Variants in CCDC93 observed in about 807,000 individuals in gnomAD.
CCDC93 encodes CCC complex scaffolding subunit CCDC93, also known as coiled-coil domain-containing protein 93.
A neutral mutation model predicts 108.2 loss-of-function variants in CCDC93; 61 were observed. That is an observed-to-expected ratio of 0.56 (90% CI 0.46 to 0.70). The LOEUF (loss-of-function observed/expected upper bound fraction) is 0.70. CCDC93 is among the 30% of genes least tolerant of loss of function. The pLI, the probability that CCDC93 is intolerant of heterozygous loss-of-function variation, is 0.00. For missense variants in CCDC93, 685 were observed against 764.2 expected, an observed-to-expected ratio of 0.90 and a Z score of 1.22; for synonymous variants, 276 against 260.4, an observed-to-expected ratio of 1.06 and a Z score of -0.58.
chr2:117,955,941 C>T (rs1469407423), intron 12 of CCDC93, among the ~76,000 whole-genome samples: 1 of 152,190 alleles, frequency 6.6e-6, no homozygotes, highest in Non-Finnish European at 1.5e-5. Flanking sequence ...TTATTCTTAT[C>T]TTTATATACT....
intron 6 of CCDC93, among the ~76,000 whole-genome samples, chr2:117,991,995 G>A (rs1269917249): frequency 6.6e-6 from 1 of 152,142 alleles, no homozygotes; most frequent in Non-Finnish European, 1.5e-5. Context: ...GTAGAAGGGA[G>A]GGAGGAAAGT....
chr2:117,996,092 A>G (rs1268223874), intron 5 of CCDC93, among the ~76,000 whole-genome samples, 172 bp downstream of exon 5: 3 of 152,232 alleles, frequency 2.0e-5, no homozygotes, highest in Non-Finnish European at 4.4e-5. Flanking sequence ...TTCAGAGAAG[A>G]TGACAAAATT....
At chr2:117,922,397 A>G (rs183052045) in intron 23 of CCDC93, among the ~76,000 whole-genome samples, 1 of 152,314 alleles carries the variant, frequency 6.6e-6, no homozygotes, top group Admixed American at 6.5e-5. Flanking sequence ...TTCCTGCTGA[A>G]AACTCTATCC....
Position 117,935,562 on chromosome 2 carries a change from G to A in CCDC93, c.1661C>T (p.Ala554Val). 6.2e-7 allele frequency: 1 copy of A among 1,613,840 alleles called. No homozygotes were observed. Among genetic ancestry groups the A allele is most frequent in the Non-Finnish European group, 8.5e-7 (1 of 1,179,766 alleles). The stretch of plus-strand genomic sequence containing the variant: ...CTGACGTAAAAACTGGTCCCGGGCA[G>A]CAGGGGAGGCCATGGCCCTGAAAGA... ...ENFSQAMASP[A>V]ARDQFLRQME... Residue 554 changes from alanine (A) to valine (V), a missense_variant, in exon 22 of 24, where the codon GCT (alanine) becomes GTT (valine). Physicochemically the swap from Ala to Val is moderately conservative, Grantham distance 64. Transcript: ENST00000376300.
At chr2:117,987,191 C>A (rs1371794944) in intron 6 of CCDC93, among the ~76,000 whole-genome samples, 11 of 152,188 alleles carry the variant, frequency 7.2e-5, no homozygotes, top group Admixed American at 6.5e-4. Flanking sequence ...TCTCACCTTT[C>A]TTTTACACTT....
chr2:117,948,809 T>G (rs974994499), intron 14 of CCDC93, among the ~76,000 whole-genome samples: 2 of 152,190 alleles, frequency 1.3e-5, no homozygotes, highest in Non-Finnish European at 2.9e-5. Flanking sequence ...GCTAAAAAGG[T>G]CAAATGTTAA....
At chr2:117,960,194 C>T (rs1335307190) in intron 11 of CCDC93, among the ~76,000 whole-genome samples, 8 of 152,140 alleles carry the variant, frequency 5.3e-5, no homozygotes, top group East Asian at 1.9e-4. Flanking sequence ...CTTTACTAGC[C>T]GAATTACATA....
At chr2:117,948,064 T>C (rs763363379) in intron 15 of CCDC93, 41 bp downstream of exon 15, 4 of 1,478,130 alleles carry the variant, frequency 2.7e-6, no homozygotes, top group Non-Finnish European at 3.8e-6. Flanking sequence ...AGAGATTCAA[T>C]AAGCGTCCTG....
chr2:117,952,142 C>A (rs1035758840), intron 13 of CCDC93, among the ~76,000 whole-genome samples: 1 of 152,004 alleles, frequency 6.6e-6, no homozygotes, highest in Admixed American at 6.6e-5. Context: ...CCCACAGAGA[C>A]CCCTCCCACC....
Position 117,916,682 on chromosome 2 carries a change from T to G in CCDC93, c.*3661A>C, listed in dbSNP as rs1677695569. On this transcript the variant is annotated 3_prime_UTR_variant, in exon 24 of 24. Transcript: ENST00000376300. ...CAGGCAATGGGGACGGATGTAAGGC[T>G]GGCGTGGAACATCCACGGTATTCCC... The G allele has an allele frequency of 6.6e-6, 1 of 152,238 alleles. No individual in the cohort carries two copies. Among genetic ancestry groups the G allele is most frequent in the South Asian group, 2.1e-4 (1 of 4,830 alleles). The allele number at this position is 152,238 out of a possible 1,614,324, so 9.4% of individuals were successfully genotyped here. A position where few individuals can be genotyped will look rare whatever the true frequency, so the allele number is the denominator to read the frequency against.
At chr2:117,946,675 T>A in intron 16 of CCDC93, 136 bp downstream of exon 16, 1 of 633,962 alleles carries the variant, frequency 1.6e-6, no homozygotes, top group South Asian at 2.0e-5. Flanking sequence ...TCTAAGAAGG[T>A]CACAGAAGGA....
intron 8 of CCDC93, among the ~76,000 whole-genome samples, chr2:117,977,439 C>T (rs1469452810): frequency 2.0e-5 from 3 of 152,192 alleles, no homozygotes. Context: ...CAGCCTGGAA[C>T]ACAGAAAGAG....
At chr2:117,939,228 T>C (rs1678620739) in intron 19 of CCDC93, 117 bp from the exon 20 acceptor site, 4 of 629,702 alleles carry the variant, frequency 6.4e-6, no homozygotes, top group Non-Finnish European at 1.1e-5. Context: ...GAGCTCACTC[T>C]GCAGAAACCC....
intron 3 of CCDC93, among the ~76,000 whole-genome samples, chr2:118,004,564 T>C (rs1676812652): frequency 6.6e-6 from 1 of 152,246 alleles, no homozygotes; most frequent in South Asian, 2.1e-4. Flanking sequence ...TAGTCTAAAC[T>C]GCACCTAACC....
At chr2:118,003,158 A>C (rs1213281497) in intron 3 of CCDC93, among the ~76,000 whole-genome samples, 1 of 152,220 alleles carries the variant, frequency 6.6e-6, no homozygotes, top group Non-Finnish European at 1.5e-5. Context: ...CTTTTCTGCC[A>C]TAAGATATGT....
At chr2:118,012,743 T>A (rs1413942315) in intron 1 of CCDC93, 1 of 152,220 alleles carries the variant, frequency 6.6e-6, no homozygotes, top group Non-Finnish European at 1.5e-5. Context: ...ACATTATGCT[T>A]GTCAGGTTTT....
intron 6 of CCDC93, among the ~76,000 whole-genome samples, chr2:117,994,037 G>C (rs536935514): frequency 6.6e-6 from 1 of 152,218 alleles, no homozygotes; most frequent in Non-Finnish European, 1.5e-5. Flanking sequence ...AAGCCAGCAG[G>C]AATCTTTTAA....
chr2:117,977,937 G>A (rs949570172), intron 8 of CCDC93, 57 bp downstream of exon 8: 2 of 1,497,870 alleles, frequency 1.3e-6, no homozygotes, highest in South Asian at 1.1e-5. Context: ...AGTCAGAGGT[G>A]AAGGGAGTCA....
intron 1 of CCDC93, among the ~76,000 whole-genome samples, chr2:118,013,342 C>T (rs1677071066): frequency 6.6e-6 from 1 of 152,250 alleles, no homozygotes; most frequent in Admixed American, 6.5e-5. Context: ...GAGTGCGTCC[C>T]ACCCCGAACG....
Sources: gnomAD v4.1 joint callset for allele counts (sites outside exome capture counted in the v4.1 genomes callset) on GRCh38, gnomAD v4.1.1 for gene constraint, MANE v1.5 for transcripts, NCBI Gene and HGNC (gene_info 2026-07-23, HGNC 2026-07-21) for gene names.